The following TNFRSF13B variants were observed in gnomAD, a reference collection of about 807,000 sequenced individuals.
TNFRSF13B encodes the protein TNF receptor superfamily member 13B.
Under a neutral mutation model 24.0 loss-of-function variants are expected in TNFRSF13B, and 34 were observed. The observed-to-expected ratio is 1.41, with a 90% CI of 1.08 to 1.88. The LOEUF (loss-of-function observed/expected upper bound fraction) is 1.88, where lower values mean the gene tolerates loss of function less well. TNFRSF13B is among the 40% of genes most tolerant of loss of function. TNFRSF13B has a pLI of 0.00. For synonymous variants in TNFRSF13B, 173 were observed against 150.3 expected (o/e 1.15, Z -1.10); for missense variants, 415 against 380.8 (o/e 1.09, Z -0.75).
At chr17:16,966,247 C>T (rs1362166304) in intron 1 of TNFRSF13B, among the ~76,000 whole-genome samples, 1 of 149,836 alleles carries the variant, frequency 6.7e-6, no homozygotes, top group Non-Finnish European at 1.5e-5. Flanking sequence ...GAGTGAGACT[C>T]CATCTCAAAA....
intron 2 of TNFRSF13B, among the ~76,000 whole-genome samples, chr17:16,950,768 C>T (rs553462512): frequency 4.9e-4 from 74 of 152,102 alleles, no homozygotes; most frequent in South Asian, 1.0e-3. Flanking sequence ...TCACACCCCT[C>T]CCCTCCCCCG....
intron 1 of TNFRSF13B, among the ~76,000 whole-genome samples, chr17:16,961,647 A>G (rs2087663327): frequency 1.3e-5 from 2 of 152,150 alleles, no homozygotes; most frequent in Non-Finnish European, 2.9e-5. Flanking sequence ...TTGGATATAG[A>G]TAGTGGTGCT....
chr17:16,941,057 T>C, intron 3 of TNFRSF13B: 6 of 600,674 alleles, frequency 1.0e-5, no homozygotes, highest in Non-Finnish European at 1.3e-5. Flanking sequence ...GAGTCATCTC[T>C]AGATTACTTA....
At chr17:16,962,356 A>C (rs916303853) in intron 1 of TNFRSF13B, among the ~76,000 whole-genome samples, 2 of 152,008 alleles carry the variant, frequency 1.3e-5, no homozygotes, top group East Asian at 3.9e-4. Context: ...AAAATACAAA[A>C]ATTAGCTGGG....
chr17:16,956,286 T>C (rs1367526300), intron 1 of TNFRSF13B, among the ~76,000 whole-genome samples: 1 of 152,324 alleles, frequency 6.6e-6, no homozygotes, highest in Non-Finnish European at 1.5e-5. Context: ...CAGCAATCCT[T>C]GAGGAGTGGT....
At chr17:16,944,823 G>C (rs1218668735) in intron 3 of TNFRSF13B, among the ~76,000 whole-genome samples, 1 of 152,138 alleles carries the variant, frequency 6.6e-6, no homozygotes, top group Non-Finnish European at 1.5e-5. Context: ...GCTGGAGACA[G>C]GGAACGGCAG....
intron 2 of TNFRSF13B, among the ~76,000 whole-genome samples, chr17:16,951,205 G>C (rs998696285): frequency 1.3e-5 from 2 of 152,200 alleles, no homozygotes; most frequent in East Asian, 3.8e-4. Context: ...GATCTTGGGT[G>C]AGTCACTCAG....
At chr17:16,963,551 G>GTTTTTGT (rs2087677946) in intron 1 of TNFRSF13B, among the ~76,000 whole-genome samples, 1 of 147,680 alleles carries the variant, frequency 6.8e-6, no homozygotes, top group Non-Finnish European at 1.5e-5. Context: ...TTTTGTTTTT[G>GTTTTTGT]TTTTTTTGGT....
chr17:16,961,253 C>G (rs1223753167), intron 1 of TNFRSF13B, among the ~76,000 whole-genome samples: 1 of 152,116 alleles, frequency 6.6e-6, no homozygotes, highest in Non-Finnish European at 1.5e-5. Flanking sequence ...AGCAAACATC[C>G]AAAAGAACTG....
chr17:16,964,008 T>C (rs1336352573), intron 1 of TNFRSF13B, among the ~76,000 whole-genome samples: 1 of 151,614 alleles, frequency 6.6e-6, no homozygotes. Context: ...GGGATGTGCA[T>C]GGGAATGGAT....
At chr17:16,970,685 A>G (rs1481219853) in intron 1 of TNFRSF13B, among the ~76,000 whole-genome samples, 1 of 152,072 alleles carries the variant, frequency 6.6e-6, no homozygotes, top group Non-Finnish European at 1.5e-5. Context: ...ACAACCGGCC[A>G]GGGCTGATTC....
At chr17:16,968,455 A>G (rs867922655) in intron 1 of TNFRSF13B, among the ~76,000 whole-genome samples, 9 of 152,254 alleles carry the variant, frequency 5.9e-5, no homozygotes, top group African/African-American at 2.2e-4. Context: ...AGACTATTCA[A>G]TGGGAGAAAG....
intron 3 of TNFRSF13B, among the ~76,000 whole-genome samples, chr17:16,946,469 C>A (rs2087548430): frequency 6.6e-6 from 1 of 152,226 alleles, no homozygotes; most frequent in East Asian, 1.9e-4. Flanking sequence ...CTGGCACTTA[C>A]CAGATGCCCA....
At chr17:16,969,469 T>C (rs1473946135) in intron 1 of TNFRSF13B, among the ~76,000 whole-genome samples, 4 of 152,236 alleles carry the variant, frequency 2.6e-5, no homozygotes, top group Admixed American at 1.3e-4. Flanking sequence ...TCACATATGA[T>C]TCCATTTATG....
intron 3 of TNFRSF13B, among the ~76,000 whole-genome samples, chr17:16,948,298 A>G (rs71362291): frequency 0.038 from 5,737 of 152,262 alleles, 130 homozygotes; most frequent in South Asian, 0.1. Flanking sequence ...CAAGCAACAT[A>G]CCCATGTAAC....
chr17:16,966,853 T>G (rs990911922), intron 1 of TNFRSF13B, among the ~76,000 whole-genome samples: 1 of 145,332 alleles, frequency 6.9e-6, no homozygotes, highest in Non-Finnish European at 1.5e-5. Flanking sequence ...TTTTTTTTTT[T>G]TTTGAGATGG....
chr17:16,941,924 C>T (rs931713483), intron 3 of TNFRSF13B, among the ~76,000 whole-genome samples: 1 of 152,188 alleles, frequency 6.6e-6, no homozygotes, highest in South Asian at 2.1e-4. Flanking sequence ...CCACCATGTC[C>T]TGCCGTGCTG....
At chr17:16,945,906 G>A (rs1053019709) in intron 3 of TNFRSF13B, among the ~76,000 whole-genome samples, 1 of 152,202 alleles carries the variant, frequency 6.6e-6, no homozygotes, top group African/African-American at 2.4e-5. Context: ...GTGATGAAGT[G>A]TAAGTTACCA....
At chr17:16,955,913 T>A (rs1375865773) in intron 1 of TNFRSF13B, among the ~76,000 whole-genome samples, 1 of 152,250 alleles carries the variant, frequency 6.6e-6, no homozygotes, top group East Asian at 1.9e-4. Flanking sequence ...AGAGCCAGGA[T>A]AAGCAAGAAG....
Sources: allele counts gnomAD v4.1 joint callset (sites outside exome capture counted in the v4.1 genomes callset), GRCh38; gene constraint gnomAD v4.1.1; transcripts MANE v1.5; gene names NCBI Gene and HGNC (gene_info 2026-07-23, HGNC 2026-07-21).